The following RAP1GDS1 variants were observed in gnomAD, a reference collection of about 807,000 sequenced individuals.
RAP1GDS1 encodes Rap1 GTPase-GDP dissociation stimulator 1.
Under a neutral mutation model 71.1 loss-of-function variants are expected in RAP1GDS1, and 35 were observed. The observed-to-expected ratio is 0.49, with a 90% CI of 0.38 to 0.65. RAP1GDS1 has a LOEUF of 0.65. RAP1GDS1 is among the 30% of genes least tolerant of loss of function. The pLI is 0.00. For missense variants in RAP1GDS1, 663 were observed against 706.1 expected (o/e 0.94, Z 0.69); for synonymous variants, 229 against 243.1 (o/e 0.94, Z 0.54).
chr4:98,343,364 C>T (rs1560871770), intron 3 of RAP1GDS1, 103 bp downstream of exon 3: 2 of 1,356,098 alleles, frequency 1.5e-6, no homozygotes, highest in Non-Finnish European at 2.0e-6. Flanking sequence ...GTAGATTAGA[C>T]ATTTTTTATT....
At chr4:98,438,567 C>CGTAT (rs1351068846) in intron 14 of RAP1GDS1, among the ~76,000 whole-genome samples, 12 of 104,742 alleles carry the variant, frequency 1.1e-4, no homozygotes, top group African/African-American at 4.7e-4. Flanking sequence ...TTTATTCTTC[C>CGTAT]ATATATATAT....
At chr4:98,303,102 A>G (rs968325411) in intron 2 of RAP1GDS1, among the ~76,000 whole-genome samples, 8 of 152,112 alleles carry the variant, frequency 5.3e-5, no homozygotes, top group African/African-American at 1.7e-4. Context: ...ACGTCCACAT[A>G]GCAATACAGA....
chr4:98,392,766 A>C (rs921137987), intron 6 of RAP1GDS1, among the ~76,000 whole-genome samples: 1 of 152,224 alleles, frequency 6.6e-6, no homozygotes, highest in Non-Finnish European at 1.5e-5. Flanking sequence ...AGAGGAATCT[A>C]ACGTTAGACT....
chr4:98,416,353 T>G (rs1748004959), intron 7 of RAP1GDS1, among the ~76,000 whole-genome samples: 1 of 130,416 alleles, frequency 7.7e-6, no homozygotes, highest in South Asian at 2.7e-4. Context: ...TTTTTTTTTT[T>G]TTTTTTTTTT....
chr4:98,301,809 C>T (rs1728625914), intron 2 of RAP1GDS1, among the ~76,000 whole-genome samples: 1 of 152,114 alleles, frequency 6.6e-6, no homozygotes, highest in Non-Finnish European at 1.5e-5. Flanking sequence ...GAAAGCACCA[C>T]TTTGGGGATG....
In RAP1GDS1 at chr4:98,308,295, C is replaced by CTATATATAT. The variant is rs1368490048; in HGVS notation, c.112+14780_112+14781insTATATATAT. Among the ~76,000 whole-genome samples the CTATATATAT allele has an allele frequency of 1.2e-4, 9 of 72,126 alleles. No individual in the cohort carries two copies. In the South Asian group the frequency reaches 3.6e-3, roughly 29 times the overall value. 47.3% of individuals were successfully genotyped at this position (72,126 alleles called of 152,430 possible). A position where few individuals can be genotyped will look rare whatever the true frequency, so the allele number is the denominator to read the frequency against. ...CCACACACATATATATACACACACACACTATATATATATATATATATATAT... is the reference window on the plus strand; with the variant it reads ...CCACACACATATATATACACACACACTATATATATACTATATATATATATATATATATAT... On this transcript the variant is annotated intron_variant, in intron 2 of 14. Transcript: ENST00000408927.
At chr4:98,390,192 T>C (rs1414803404) in intron 5 of RAP1GDS1, among the ~76,000 whole-genome samples, 2 of 152,142 alleles carry the variant, frequency 1.3e-5, no homozygotes, top group Non-Finnish European at 2.9e-5. Context: ...CCTTGGTGCA[T>C]GATTATTACA....
chr4:98,413,026 G>C (rs745989308), intron 7 of RAP1GDS1, among the ~76,000 whole-genome samples: 1 of 152,040 alleles, frequency 6.6e-6, no homozygotes, highest in Non-Finnish European at 1.5e-5. Context: ...AGAAAACAGC[G>C]TTCGAGAGCA....
intron 6 of RAP1GDS1, 68 bp from the exon 7 acceptor site, chr4:98,404,409 G>C (rs770821668): frequency 2.2e-5 from 31 of 1,385,080 alleles, no homozygotes; most frequent in African/African-American, 3.0e-5. Context: ...AAATAACTAA[G>C]TATTGAAAGT....
Position 98,351,614 on chromosome 4 carries a change from A to G in RAP1GDS1, c.236-862A>G, listed in dbSNP as rs538713883. 3.3e-5 allele frequency among the ~76,000 whole-genome samples: 5 copies of G among 152,192 alleles called. No homozygotes were observed. In the South Asian group the frequency reaches 1.0e-3, roughly 32 times the overall value. ...TCCTTATGGTGAGTTGTGATGTCCAAAAAGGTAATTCAGTTATTGGTTATT... is the reference window on the plus strand; with the variant it reads ...TCCTTATGGTGAGTTGTGATGTCCAGAAAGGTAATTCAGTTATTGGTTATT... On this transcript the variant is annotated intron_variant, in intron 3 of 14. Transcript: ENST00000408927.
chr4:98,369,896 C>T (rs1463000472), intron 4 of RAP1GDS1, among the ~76,000 whole-genome samples: 3 of 152,062 alleles, frequency 2.0e-5, no homozygotes, highest in African/African-American at 7.2e-5. Flanking sequence ...AGAATCTAAA[C>T]AAAAAGGTAC....
At position 98,390,880 on chromosome 4, in the gene RAP1GDS1, C is replaced by CAT. The variant is rs139402935; in HGVS notation, c.509-1069_509-1068dup. Among the ~76,000 whole-genome samples, 1,184 of 151,910 alleles carry CAT rather than the reference C, an allele frequency of 7.8e-3. 14 individuals are homozygous for CAT. Among genetic ancestry groups the CAT allele is most frequent in the African/African-American group, 0.027 (1,133 of 41,396 alleles). On this transcript the variant is annotated intron_variant, in intron 5 of 14. Transcript: ENST00000408927. ...GGGAAAATTATTAGCTTGAAAATGG[C>CAT]ATATCATTTTAAAGAGAAAAAAATT...
At chr4:98,324,061 C>G (rs1018914069) in intron 2 of RAP1GDS1, among the ~76,000 whole-genome samples, 1 of 151,274 alleles carries the variant, frequency 6.6e-6, no homozygotes, top group African/African-American at 2.4e-5. Flanking sequence ...AGCTGATAAG[C>G]AACTTCAAAG....
At chr4:98,282,289 C>T (rs1015524083) in intron 1 of RAP1GDS1, among the ~76,000 whole-genome samples, 1 of 152,140 alleles carries the variant, frequency 6.6e-6, no homozygotes, top group East Asian at 1.9e-4. Context: ...ATTTCAGAAC[C>T]TGTTATTGGT....
intron 1 of RAP1GDS1, among the ~76,000 whole-genome samples, chr4:98,284,525 A>G (rs1159343787): frequency 2.6e-5 from 4 of 152,232 alleles, no homozygotes; most frequent in African/African-American, 9.6e-5. Context: ...AAGTTATGGT[A>G]GCTGATTATA....
intron 10 of RAP1GDS1, among the ~76,000 whole-genome samples, chr4:98,419,212 T>C (rs1748456726): frequency 6.6e-6 from 1 of 151,922 alleles, no homozygotes; most frequent in African/African-American, 2.4e-5. Context: ...TGTGCCACCA[T>C]GCCCAGCTGA....
At chr4:98,271,402 G>A (rs545457863) in intron 1 of RAP1GDS1, among the ~76,000 whole-genome samples, 1 of 151,994 alleles carries the variant, frequency 6.6e-6, no homozygotes, top group Non-Finnish European at 1.5e-5. Context: ...GATTTGTGAT[G>A]GCTGTCAATT....
At chr4:98,402,859 C>T (rs2110151440) in intron 6 of RAP1GDS1, among the ~76,000 whole-genome samples, 1 of 152,246 alleles carries the variant, frequency 6.6e-6, no homozygotes, top group African/African-American at 2.4e-5. Context: ...ACTGCCCCTG[C>T]CCTCAAGGAG....
At chr4:98,292,690 T>C (rs948358876) in intron 1 of RAP1GDS1, among the ~76,000 whole-genome samples, 1 of 152,204 alleles carries the variant, frequency 6.6e-6, no homozygotes, top group Admixed American at 6.6e-5. Context: ...TTAAGTAAAT[T>C]ACTAAATAAT....
Sources: gnomAD v4.1 joint callset for allele counts (sites outside exome capture counted in the v4.1 genomes callset) on GRCh38, gnomAD v4.1.1 for gene constraint, MANE v1.5 for transcripts, NCBI Gene and HGNC (gene_info 2026-07-23, HGNC 2026-07-21) for gene names.